CCNJL: variants seen among roughly 807,000 people sequenced by gnomAD.
CCNJL encodes the protein cyclin-J-like protein.
CCNJL carries 33 observed loss-of-function variants against 33.4 expected under a neutral mutation model. The observed-to-expected ratio is 0.99, with a 90% CI of 0.75 to 1.32. The LOEUF is 1.32. Among genes scored for constraint, CCNJL ranks in the 40% most tolerant of loss-of-function variants. The pLI is 0.00. For missense variants in CCNJL, 512 were observed against 499.7 expected (o/e 1.02, Z -0.23); for synonymous variants, 227 against 220.9 (o/e 1.03, Z -0.24).
intron 3 of CCNJL, among the ~76,000 whole-genome samples, chr5:160,278,622 C>T (rs144969331): frequency 6.1e-4 from 93 of 152,308 alleles, no homozygotes; most frequent in African/African-American, 2.1e-3. Flanking sequence ...CTGTCTGAAA[C>T]GTCCCCTCTC....
At chr5:160,303,356 T>TA (rs1762984530) in intron 2 of CCNJL, among the ~76,000 whole-genome samples, 1 of 151,968 alleles carries the variant, frequency 6.6e-6, no homozygotes, top group African/African-American at 2.4e-5. Context: ...CAGGCACTCA[T>TA]CACCATACCC....
chr5:160,301,732 G>T (rs1762928822), intron 2 of CCNJL, among the ~76,000 whole-genome samples: 1 of 148,028 alleles, frequency 6.8e-6, no homozygotes, highest in Non-Finnish European at 1.5e-5. Context: ...ACCGCACCCG[G>T]TCGTCTTTTT....
chr5:160,312,649 G>C (rs1471805481), upstream of CCNJL: 1 of 151,620 alleles, frequency 6.6e-6, no homozygotes, highest in Non-Finnish European at 1.5e-5. Flanking sequence ...CGCCCCGCGG[G>C]GCGGGGGGCT....
At chr5:160,275,375 C>T (rs1761976399) in intron 3 of CCNJL, among the ~76,000 whole-genome samples, 1 of 152,094 alleles carries the variant, frequency 6.6e-6, no homozygotes, top group Non-Finnish European at 1.5e-5. Flanking sequence ...CTTGAGTCAC[C>T]GTGCCCGGCT....
chr5:160,257,594 C>T (rs1184661457), intron 4 of CCNJL, among the ~76,000 whole-genome samples: 1 of 151,980 alleles, frequency 6.6e-6, no homozygotes, highest in Admixed American at 6.6e-5. Flanking sequence ...GGGAGGATAG[C>T]TTGAGCCCAG....
intron 3 of CCNJL, chr5:160,269,382 G>T (rs567925883): frequency 2.2e-6 from 1 of 456,182 alleles, no homozygotes; most frequent in African/African-American, 2.0e-5. Flanking sequence ...TTCTGTCCTC[G>T]TACGGAGGAT....
At chr5:160,265,777 C>T (rs540884747) in intron 3 of CCNJL, among the ~76,000 whole-genome samples, 14 of 151,852 alleles carry the variant, frequency 9.2e-5, no homozygotes, top group African/African-American at 3.4e-4. Context: ...TGCTTGAACC[C>T]CAGAGGCAGA....
chr5:160,302,798 TGA>T (rs1762963061), intron 2 of CCNJL, among the ~76,000 whole-genome samples: 1 of 150,574 alleles, frequency 6.6e-6, no homozygotes, highest in Admixed American at 6.7e-5. Flanking sequence ...GACAACACAG[TGA>T]GACTCTGTCT....
chr5:160,291,908 C>A (rs1762595792), intron 2 of CCNJL, among the ~76,000 whole-genome samples: 1 of 152,116 alleles, frequency 6.6e-6, no homozygotes, highest in Non-Finnish European at 1.5e-5. Flanking sequence ...GGTGATTTCC[C>A]AGGGGTGGGG....
At chr5:160,283,510 G>T (rs1354803164) in intron 2 of CCNJL, among the ~76,000 whole-genome samples, 1 of 152,156 alleles carries the variant, frequency 6.6e-6, no homozygotes, top group African/African-American at 2.4e-5. Context: ...TACATAGTAG[G>T]TATATAGATT....
At chr5:160,290,604 G>A (rs1762551505) in intron 2 of CCNJL, among the ~76,000 whole-genome samples, 1 of 152,040 alleles carries the variant, frequency 6.6e-6, no homozygotes, top group Non-Finnish European at 1.5e-5. Context: ...TCAGGCTCAT[G>A]CTTCTGTGAG....
chr5:160,336,606 G>C (rs72814339), intron 1 of CCNJL, among the ~76,000 whole-genome samples: 7,290 of 152,266 alleles, frequency 0.048, 268 homozygotes, highest in East Asian at 0.15. Context: ...GTGGTAATCT[G>C]TTATGGCAGC....
intron 2 of CCNJL, among the ~76,000 whole-genome samples, chr5:160,282,988 TATATATATATATATATATATAC>T (rs1246788183): frequency 0.02 from 1,201 of 60,194 alleles, 33 homozygotes; most frequent in African/African-American, 0.033. Flanking sequence ...TATATATATA[TATATATATATATATATATATAC>T]ATATATATAT....
chr5:160,289,341 AGT>A (rs1309183914), intron 2 of CCNJL, among the ~76,000 whole-genome samples: 1 of 152,198 alleles, frequency 6.6e-6, no homozygotes, highest in Non-Finnish European at 1.5e-5. Flanking sequence ...CTGCTGGCTC[AGT>A]GAATGGACGT....
chr5:160,264,095 G>A (rs553269312), intron 3 of CCNJL, among the ~76,000 whole-genome samples: 1 of 151,916 alleles, frequency 6.6e-6, no homozygotes, highest in African/African-American at 2.4e-5. Flanking sequence ...ATAGGCACAC[G>A]CCACCACACC....
At chr5:160,309,571 CCT>C (rs1763201208) in intron 2 of CCNJL, among the ~76,000 whole-genome samples, 1 of 152,092 alleles carries the variant, frequency 6.6e-6, no homozygotes, top group Non-Finnish European at 1.5e-5. Flanking sequence ...AAACAATTAC[CCT>C]GTCTGAGAAA....
rs1191668407 is a variant in CCNJL at position 160,320,992 on chromosome 5, TTCTTTCTC to T, written n.207-5495_207-5488del. On this transcript the variant is annotated intron_variant and non_coding_transcript_variant, in intron 1 of 7. Transcript: ENST00000377503. ...TCTCTCCCTCCCTCTCTCTCTTTCT[TTCTTTCTC>T]TCTCTCTCTCTCTCTTTCTTTCTTT... Among the ~76,000 whole-genome samples, 81 of 77,920 alleles carry T rather than the reference TTCTTTCTC, an allele frequency of 1.0e-3. 4 individuals carry two copies. Among genetic ancestry groups the T allele is most frequent in the African/African-American group, 5.1e-3 (78 of 15,232 alleles). The allele number at this position is 77,920 out of a possible 152,430, so 51.1% of individuals were successfully genotyped here. A position where few individuals can be genotyped will look rare whatever the true frequency, so the allele number is the denominator to read the frequency against.
At chr5:160,320,036 C>T (rs1204679782) in intron 1 of CCNJL, among the ~76,000 whole-genome samples, 1 of 152,208 alleles carries the variant, frequency 6.6e-6, no homozygotes, top group Non-Finnish European at 1.5e-5. Flanking sequence ...TCAGGAGTTA[C>T]TGTCCTCATT....
At chr5:160,258,236 G>T in intron 4 of CCNJL, 1 of 634,254 alleles carries the variant, frequency 1.6e-6, no homozygotes, top group Non-Finnish European at 2.8e-6. Context: ...TTTTAAGACC[G>T]AGTCTCGCTG....
Sources: allele counts gnomAD v4.1 joint callset (sites outside exome capture counted in the v4.1 genomes callset), GRCh38; gene constraint gnomAD v4.1.1; transcripts MANE v1.5; gene names NCBI Gene and HGNC (gene_info 2026-07-23, HGNC 2026-07-21).